KAZN: variants seen among roughly 807,000 people sequenced by gnomAD.
The protein encoded by KAZN is kazrin.
KAZN carries 40 observed loss-of-function variants against 87.4 expected under a neutral mutation model. That is an observed-to-expected ratio of 0.46 (90% CI 0.36 to 0.60). KAZN has a LOEUF of 0.60. KAZN is among the 20% of genes least tolerant of loss of function. The probability of loss-of-function intolerance (pLI) is 0.00; values close to 1 mark genes in which losing one functional copy is unlikely to be tolerated. For synonymous variants in KAZN, 466 were observed against 458.3 expected (o/e 1.02, Z -0.22); for missense variants, 898 against 1,073.9 (o/e 0.84, Z 2.29).
intron 2 of KAZN, among the ~76,000 whole-genome samples, chr1:14,503,752 T>C (rs1428670719): frequency 1.3e-5 from 2 of 151,902 alleles, no homozygotes; most frequent in East Asian, 1.9e-4. Flanking sequence ...AAGGCTAAAA[T>C]TGCAAAGGCT....
rs1676683715 is a variant in KAZN at position 14,598,713 on chromosome 1, C to CGCCG, written c.-283_-280dup. On this transcript the variant is annotated 5_prime_UTR_variant, in exon 1 of 15. Coordinates refer to ENST00000376030, the MANE Select transcript of KAZN (RefSeq NM_201628.3). This position sits in a 1 kb window ranked among gnomAD's most constrained non-coding sequence, Gnocchi z 4.2. Reference sequence around the variant, plus strand: ...CTTGGAGCAGCTCTCGGCGCCCGCCCGCCGGGGTCTCGGCGATCGCTGCTC... The same window carrying CGCCG: ...CTTGGAGCAGCTCTCGGCGCCCGCCCGCCGGCCGGGGTCTCGGCGATCGCTGCTC... 1 of 1,317,848 alleles carries CGCCG rather than the reference C, an allele frequency of 7.6e-7. No homozygotes were observed. The highest frequency in any genetic ancestry group is 3.2e-5 in the East Asian group (1 of 31,032). The allele number at this position is 1,317,848 out of a possible 1,614,324, so 81.6% of individuals were successfully genotyped here.
At chr1:14,747,083 T>C (rs1364756629) in intron 1 of KAZN, among the ~76,000 whole-genome samples, 1 of 152,118 alleles carries the variant, frequency 6.6e-6, no homozygotes, top group African/African-American at 2.4e-5. Flanking sequence ...AGCAGAATCA[T>C]ATAGTATCTT....
intron 1 of KAZN, among the ~76,000 whole-genome samples, chr1:13,903,542 A>ATGGC (rs2100845298): frequency 1.3e-5 from 2 of 152,328 alleles, no homozygotes; most frequent in South Asian, 4.1e-4. Flanking sequence ...CAATGTCATG[A>ATGGC]TGGCGGCTGA....
chr1:14,005,992 T>C (rs1309107374), intron 1 of KAZN, among the ~76,000 whole-genome samples: 2 of 152,202 alleles, frequency 1.3e-5, no homozygotes, highest in Non-Finnish European at 2.9e-5. Flanking sequence ...ACTCCATGAT[T>C]GCCTCATATA....
intron 1 of KAZN, among the ~76,000 whole-genome samples, chr1:14,758,474 AT>A (rs113851632): frequency 0.033 from 3,630 of 109,416 alleles, 168 homozygotes; most frequent in African/African-American, 0.13. Flanking sequence ...GGACCAGCTA[AT>A]TTTTTAATTT....
intron 4 of KAZN, among the ~76,000 whole-genome samples, chr1:15,053,310 G>T (rs569209976): frequency 2.0e-5 from 3 of 152,294 alleles, no homozygotes; most frequent in Admixed American, 6.5e-5. Context: ...GTGGGTCTCC[G>T]TGATGCTAGG....
At chr1:14,359,588 C>T (rs926375260) in intron 2 of KAZN, among the ~76,000 whole-genome samples, 2 of 152,064 alleles carry the variant, frequency 1.3e-5, no homozygotes, top group African/African-American at 4.8e-5. Context: ...TTTTCCTTTC[C>T]ATATTTAGTG....
chr1:14,599,013 A>G lies in KAZN; in HGVS notation c.16A>G (p.Lys6Glu). 6.4e-7 allele frequency: 1 copy of G among 1,570,894 alleles called. No individual in the cohort carries two copies. The highest frequency in any genetic ancestry group is 8.6e-7 in the Non-Finnish European group (1 of 1,162,234). MMEDNKQLALRIDGAV... is the reference protein window; with the variant it reads MMEDNEQLALRIDGAV... The stretch of plus-strand genomic sequence containing the variant: ...AATCCTGAGCATGATGGAAGACAAT[A>G]AGCAGCTCGCGCTCCGCATCGATGG... The change falls in exon 1 of 15, where the codon AAG becomes GAG. Residue 6 changes from lysine (K) to glutamate (E), a missense_variant. Coordinates refer to ENST00000376030, the MANE Select transcript of KAZN (RefSeq NM_201628.3). The surrounding 1 kb of genome is among the most constrained non-coding windows in gnomAD (Gnocchi z 4.4).
intron 1 of KAZN, among the ~76,000 whole-genome samples, chr1:14,795,861 G>T (rs952344636): frequency 4.6e-5 from 7 of 152,084 alleles, no homozygotes; most frequent in African/African-American, 7.2e-5. Context: ...CATCACTCAG[G>T]ACTCTGCACA....
intron 6 of KAZN, 63 bp from the exon 7 acceptor site, chr1:15,063,508 CG>C: frequency 7.0e-7 from 1 of 1,424,130 alleles, no homozygotes; most frequent in African/African-American, 1.4e-5. Context: ...CCGCACGGGC[CG>C]CCTCTGCTCT....
intron 1 of KAZN, among the ~76,000 whole-genome samples, chr1:14,611,512 C>T (rs553769550): frequency 3.3e-5 from 5 of 152,120 alleles, no homozygotes; most frequent in Admixed American, 1.3e-4. Flanking sequence ...TATAGTGAGA[C>T]GCTATCTCTA....
intron 2 of KAZN, among the ~76,000 whole-genome samples, chr1:14,404,299 C>T (rs754326729): frequency 2.2e-4 from 33 of 152,196 alleles, no homozygotes; most frequent in Non-Finnish European, 3.8e-4. Context: ...CCAGCATTCA[C>T]TTGTGCAAGC....
chr1:14,688,271 G>A (rs1486837210), intron 1 of KAZN, among the ~76,000 whole-genome samples: 2 of 152,200 alleles, frequency 1.3e-5, no homozygotes, highest in African/African-American at 4.8e-5. Context: ...AGCTGTGACT[G>A]TGGGCACTTT....
rs890640378 is a variant in KAZN, at chr1:14,965,028, A to AT, written c.418+4160dup. 3.2e-3 allele frequency among the ~76,000 whole-genome samples: 483 copies of AT among 150,674 alleles called. 5 individuals carry two copies. Among genetic ancestry groups the AT allele is most frequent in the Middle Eastern group, 6.8e-3 (2 of 292 alleles). On this transcript the variant is annotated intron_variant, in intron 2 of 14. Coordinates refer to ENST00000376030, the MANE Select transcript of KAZN (RefSeq NM_201628.3). The stretch of plus-strand genomic sequence containing the variant: ...ATGATTGTTTAAGACATATATATAT[A>AT]TTTTTTTCTTTTTTTTTTTTGAGAC...
intron 1 of KAZN, among the ~76,000 whole-genome samples, chr1:13,898,318 G>C (rs1297748029): frequency 6.6e-6 from 1 of 152,214 alleles, no homozygotes; most frequent in Non-Finnish European, 1.5e-5. Context: ...GCAGAGGGCT[G>C]TTGCCCCATC....
intron 2 of KAZN, among the ~76,000 whole-genome samples, chr1:14,306,635 A>T (rs1654949852): frequency 6.6e-6 from 1 of 152,152 alleles, no homozygotes; most frequent in Non-Finnish European, 1.5e-5. Context: ...CTCTACCATG[A>T]TGTGAACCAG....
At chr1:14,827,972 G>A (rs983583735) in intron 1 of KAZN, among the ~76,000 whole-genome samples, 5 of 152,192 alleles carry the variant, frequency 3.3e-5, no homozygotes, top group South Asian at 2.1e-4. Flanking sequence ...TTGGGAAGAC[G>A]ACTAAAGTTA....
At chr1:14,164,310 G>C (rs1160783219) in intron 1 of KAZN, among the ~76,000 whole-genome samples, 1 of 152,146 alleles carries the variant, frequency 6.6e-6, no homozygotes, top group Non-Finnish European at 1.5e-5. Context: ...TATGCCTTTA[G>C]ATGGCACATT....
intron 2 of KAZN, among the ~76,000 whole-genome samples, chr1:14,532,459 TTA>T (rs1557781876): frequency 1.0e-3 from 3 of 2,944 alleles, no homozygotes; most frequent in Admixed American, 0.019. Flanking sequence ...TGTGTTTTTA[TTA>T]TTATTATTAT....
Sources: allele counts gnomAD v4.1 joint callset (sites outside exome capture counted in the v4.1 genomes callset), GRCh38; gene constraint gnomAD v4.1.1; non-coding constraint Gnocchi (gnomAD v3.1); transcripts MANE v1.5; gene names NCBI Gene and HGNC (gene_info 2026-07-23, HGNC 2026-07-21).